The following WWC1 variants were observed in gnomAD, a reference collection of about 807,000 sequenced individuals.
The protein encoded by WWC1 is protein KIBRA.
In WWC1, 55 loss-of-function variants were observed where a neutral mutation model predicts 138.4. The ratio of observed to expected loss-of-function variants is 0.40; its 90% CI spans 0.32 to 0.50. The LOEUF is 0.50. Ranked by LOEUF, WWC1 falls within the 20% of genes least tolerant of loss-of-function variation. The probability of loss-of-function intolerance (pLI) is 0.72; values close to 1 mark genes in which losing one functional copy is unlikely to be tolerated. For missense variants in WWC1, 1,226 were observed against 1,420.4 expected (o/e 0.86, Z 2.20); for synonymous variants, 524 against 564.9 (o/e 0.93, Z 1.03).
chr5:168,337,003 T>C (rs1773531539), intron 1 of WWC1, among the ~76,000 whole-genome samples: 1 of 152,194 alleles, frequency 6.6e-6, no homozygotes, highest in Non-Finnish European at 1.5e-5. Context: ...CAGCTGTTTT[T>C]AATGTACCAT....
intron 5 of WWC1, among the ~76,000 whole-genome samples, chr5:168,405,579 AG>A (rs1482988256): frequency 6.6e-6 from 1 of 151,860 alleles, no homozygotes; most frequent in African/African-American, 2.4e-5. Flanking sequence ...CCCAGCCCGG[AG>A]GACCCAGGGA....
intron 5 of WWC1, among the ~76,000 whole-genome samples, chr5:168,405,534 T>G (rs1325960318): frequency 6.6e-6 from 1 of 151,776 alleles, no homozygotes; most frequent in African/African-American, 2.4e-5. Context: ...GACTGCAGAG[T>G]CACAGCTATG....
intron 12 of WWC1, 144 bp from the exon 13 acceptor site, chr5:168,428,562 AT>A (rs1309575675): frequency 2.1e-4 from 136 of 655,810 alleles, no homozygotes; most frequent in East Asian, 6.8e-4. Flanking sequence ...TCTAAAAAAA[AT>A]TTTTTTTAAT....
chr5:168,424,274 C>A (rs1781345520), intron 11 of WWC1, among the ~76,000 whole-genome samples: 1 of 152,200 alleles, frequency 6.6e-6, no homozygotes. Flanking sequence ...GTAGTAGATT[C>A]TGTCCTCCAA....
intron 1 of WWC1, among the ~76,000 whole-genome samples, chr5:168,332,294 C>G (rs1773095672): frequency 6.6e-6 from 1 of 152,152 alleles, no homozygotes; most frequent in South Asian, 2.1e-4. Flanking sequence ...CATTTAACTT[C>G]CTTGTCATAC....
In WWC1 at chr5:168,428,718, C is replaced by T. The variant is rs1172178039; in HGVS notation, c.1931C>T (p.Ser644Leu). The T allele has an allele frequency of 6.2e-7, 1 of 1,613,946 alleles. No individual in the cohort carries two copies. Among genetic ancestry groups the T allele is most frequent in the South Asian group, 1.1e-5 (1 of 91,066 alleles). The change falls in exon 13 of 23, where the codon TCA (serine) becomes TTA (leucine). Residue 644 changes from serine (S) to leucine (L), a missense_variant. Physicochemically the swap from Ser to Leu is moderately radical, Grantham distance 145 (BLOSUM62 -2). Coordinates refer to ENST00000265293, the MANE Select transcript of WWC1 (RefSeq NM_015238.3). ...CTGTTGCCTTTCAGACTGGGTGCTT[C>T]AGAAGCTGCTGCATTTGACAGTGAC... ...YEASVQRLGA[S>L]EAAAFDSDES...
At chr5:168,341,805 A>G (rs1022496728) in intron 1 of WWC1, among the ~76,000 whole-genome samples, 2 of 152,170 alleles carry the variant, frequency 1.3e-5, no homozygotes, top group Non-Finnish European at 2.9e-5. Flanking sequence ...TAAGTGAGCC[A>G]TGAAAAGGAC....
intron 5 of WWC1, among the ~76,000 whole-genome samples, chr5:168,403,868 G>GCACACACA (rs1238055621): frequency 1.2e-5 from 1 of 81,392 alleles, no homozygotes; most frequent in Non-Finnish European, 2.4e-5. Flanking sequence ...TAAAACACAT[G>GCACACACA]CATACACACA....
intron 1 of WWC1, among the ~76,000 whole-genome samples, chr5:168,302,970 G>A (rs1770229143): frequency 6.6e-6 from 1 of 152,154 alleles, no homozygotes; most frequent in Non-Finnish European, 1.5e-5. Context: ...TCTGGATGGG[G>A]CCCAAGAATG....
intron 17 of WWC1, among the ~76,000 whole-genome samples, chr5:168,452,962 C>T (rs901956342): frequency 3.3e-5 from 5 of 152,214 alleles, no homozygotes; most frequent in Non-Finnish European, 7.3e-5. Flanking sequence ...CGGTGGCTCA[C>T]GCCTATAATC....
chr5:168,416,430 T>A (rs1780659857), intron 9 of WWC1: 1 of 152,212 alleles, frequency 6.6e-6, no homozygotes, highest in African/African-American at 2.4e-5. Context: ...ATTTTACGCT[T>A]TGGGGATAAG....
intron 5 of WWC1, among the ~76,000 whole-genome samples, chr5:168,402,873 C>G (rs761569224): frequency 2.0e-5 from 3 of 152,176 alleles, no homozygotes; most frequent in Non-Finnish European, 4.4e-5. Context: ...ACTTCTACTT[C>G]TGTGCCTACC....
chr5:168,325,337 G>A (rs1409019121), intron 1 of WWC1, among the ~76,000 whole-genome samples: 1 of 152,206 alleles, frequency 6.6e-6, no homozygotes, highest in East Asian at 1.9e-4. Context: ...GAGATTGGCA[G>A]GGGCTGGGGT....
chr5:168,320,132 T>C (rs1771940459), intron 1 of WWC1, among the ~76,000 whole-genome samples: 1 of 152,004 alleles, frequency 6.6e-6, no homozygotes, highest in Non-Finnish European at 1.5e-5. Context: ...CCTCCCAGAT[T>C]CAAGTGATTT....
chr5:168,404,039 G>A (rs947542004), intron 5 of WWC1, among the ~76,000 whole-genome samples: 11 of 152,064 alleles, frequency 7.2e-5, no homozygotes, highest in Middle Eastern at 3.4e-3. Context: ...GCTCTCTGGA[G>A]CCAAATTCCA....
chr5:168,302,803 G>A (rs1044166208), intron 1 of WWC1, among the ~76,000 whole-genome samples: 3 of 152,138 alleles, frequency 2.0e-5, no homozygotes, highest in Non-Finnish European at 4.4e-5. Context: ...CCTGTAATAT[G>A]CCAGGCATTG....
rs114098310 is a variant in WWC1 at position 168,454,039 on chromosome 5, G to A, written c.2597G>A (p.Gly866Glu). 435 of 1,597,518 alleles carry A rather than the reference G, an allele frequency of 2.7e-4. No individual in the cohort carries two copies. The highest frequency in any genetic ancestry group is 3.3e-4 in the Non-Finnish European group (394 of 1,176,376). ...EEEEEVEEEE[G>E]EEDVFTEKAS... Reference sequence around the variant, plus strand: ...GAGGAGGAGGTGGAGGAGGAGGAGGGAGAAGAGGATGTTTTCACCGAGAAA... The same window carrying A: ...GAGGAGGAGGTGGAGGAGGAGGAGGAAGAAGAGGATGTTTTCACCGAGAAA... Residue 866 changes from glycine to glutamate, a missense_variant, in exon 18 of 23, where the codon GGA becomes GAA. This residue lies in a region of WWC1 where 1,016 missense variants were observed against 1,153.9 expected (regional missense o/e 0.88). Transcript: ENST00000265293.
intron 2 of WWC1, among the ~76,000 whole-genome samples, chr5:168,380,294 C>A (rs935343124): frequency 1.3e-5 from 2 of 151,952 alleles, no homozygotes; most frequent in African/African-American, 4.8e-5. Flanking sequence ...AGTGAGACCT[C>A]ATCTCTACAA....
chr5:168,382,563 A>C (rs1203150399), intron 2 of WWC1, among the ~76,000 whole-genome samples: 1 of 152,104 alleles, frequency 6.6e-6, no homozygotes, highest in Non-Finnish European at 1.5e-5. Flanking sequence ...TGCCAGCTGG[A>C]GGTGTAGGGC....
Sources: allele counts gnomAD v4.1 joint callset (sites outside exome capture counted in the v4.1 genomes callset), GRCh38; gene constraint gnomAD v4.1.1; regional missense constraint gnomAD v4.1.1; transcripts MANE v1.5; gene names NCBI Gene and HGNC (gene_info 2026-07-23, HGNC 2026-07-21).